Variants in CLASP2 observed in about 807,000 individuals in gnomAD.
CLASP2 encodes the protein CLIP-associating protein 2.
Under a neutral mutation model 194.4 loss-of-function variants are expected in CLASP2, and 47 were observed. The observed-to-expected ratio is 0.24, with a 90% CI of 0.19 to 0.31. The LOEUF is 0.31. Ranked by LOEUF, CLASP2 falls within the 10% of genes least tolerant of loss-of-function variation. The probability of loss-of-function intolerance (pLI) is 1.00; values close to 1 mark genes in which losing one functional copy is unlikely to be tolerated. For synonymous variants in CLASP2, 619 were observed against 633.5 expected (o/e 0.98, Z 0.34); for missense variants, 1,445 against 1,823.6 (o/e 0.79, Z 3.78).
intron 7 of CLASP2, among the ~76,000 whole-genome samples, chr3:33,663,197 CAAA>C (rs60671856): frequency 7.9e-5 from 8 of 100,752 alleles, no homozygotes; most frequent in Admixed American, 1.1e-4. Context: ...GCAGTATCAC[CAAA>C]AAAAAAAAAA....
chr3:33,554,089 G>A (rs1401094002), intron 29 of CLASP2, among the ~76,000 whole-genome samples: 2 of 152,020 alleles, frequency 1.3e-5, no homozygotes, highest in Non-Finnish European at 2.9e-5. Context: ...TTAGCCGGGC[G>A]TGGTGGTGGG....
chr3:33,696,236 A>G (rs1186229810), intron 2 of CLASP2, among the ~76,000 whole-genome samples: 2 of 151,864 alleles, frequency 1.3e-5, no homozygotes, highest in African/African-American at 4.8e-5. Context: ...CATGCTGGCA[A>G]TGAAGAAACT....
chr3:33,560,805 T>C lies in CLASP2; in HGVS notation c.2930+3A>G. On this transcript the variant is annotated splice_donor_region_variant and intron_variant, in intron 28 of 38. Transcript: ENST00000682230. ...AACTTGAAATATATGAAAAAAATAT[T>C]ACCTTGTAACATCAAGGGCTTTCTG... 1 of 1,611,132 alleles carries C rather than the reference T, an allele frequency of 6.2e-7. No individual in the cohort carries two copies.
At chr3:33,647,516 CCA>C (rs2082470376) in intron 7 of CLASP2, among the ~76,000 whole-genome samples, 1 of 152,166 alleles carries the variant, frequency 6.6e-6, no homozygotes, top group South Asian at 2.1e-4. Context: ...CTATAAAGGA[CCA>C]CACAGCAAAT....
At chr3:33,518,236 T>C (rs1206842929) in intron 34 of CLASP2, among the ~76,000 whole-genome samples, 1 of 152,224 alleles carries the variant, frequency 6.6e-6, no homozygotes, top group Non-Finnish European at 1.5e-5. Context: ...TTTAAAAGCA[T>C]AATTACAAAC....
intron 34 of CLASP2, among the ~76,000 whole-genome samples, chr3:33,517,927 C>A (rs948534169): frequency 6.6e-5 from 10 of 152,166 alleles, no homozygotes; most frequent in Admixed American, 5.9e-4. Flanking sequence ...GGATTATAGG[C>A]ATGAGCCACC....
chr3:33,580,359 C>G (rs1488285185), intron 23 of CLASP2, among the ~76,000 whole-genome samples: 5 of 151,844 alleles, frequency 3.3e-5, no homozygotes, highest in Non-Finnish European at 7.4e-5. Flanking sequence ...GTCAGGAGTT[C>G]GAGACCAGCT....
chr3:33,587,414 G>A (rs574023487), intron 21 of CLASP2, among the ~76,000 whole-genome samples: 3 of 152,220 alleles, frequency 2.0e-5, no homozygotes, highest in South Asian at 4.2e-4. Context: ...GTGAGCCACC[G>A]CACCCGGCCG....
intron 7 of CLASP2, 68 bp downstream of exon 7, chr3:33,663,377 A>G: frequency 8.5e-7 from 1 of 1,173,896 alleles, no homozygotes; most frequent in Non-Finnish European, 1.2e-6. Flanking sequence ...AGTGATATAT[A>G]ATACATTTTA....
intron 38 of CLASP2, among the ~76,000 whole-genome samples, chr3:33,500,634 AGT>A (rs2046630526): frequency 6.6e-6 from 1 of 152,122 alleles, no homozygotes. Flanking sequence ...ATTTTACCTA[AGT>A]CTCGAGGTGG....
At chr3:33,632,924 T>C (rs1429294904) in intron 8 of CLASP2, among the ~76,000 whole-genome samples, 2 of 152,198 alleles carry the variant, frequency 1.3e-5, no homozygotes, top group Non-Finnish European at 2.9e-5. Flanking sequence ...CTCTTCTATA[T>C]ATACACTGCT....
intron 36 of CLASP2, chr3:33,514,627 GAACTAAAAGT>G: frequency 3.4e-6 from 1 of 291,618 alleles, no homozygotes; most frequent in South Asian, 3.3e-5. Flanking sequence ...AGTCCTTACA[GAACTAAAAGT>G]AGAACTCCAT....
At chr3:33,503,784 A>G (rs1228157399) in intron 37 of CLASP2, 2 of 152,114 alleles carry the variant, frequency 1.3e-5, no homozygotes, top group East Asian at 3.9e-4. Context: ...CTGTACCACC[A>G]ATTTGTATTT....
At chr3:33,528,271 G>A (rs1479352598) in intron 34 of CLASP2, among the ~76,000 whole-genome samples, 1 of 152,128 alleles carries the variant, frequency 6.6e-6, no homozygotes, top group Non-Finnish European at 1.5e-5. Flanking sequence ...CAATAAGCTA[G>A]GTATTGAAGG....
At chr3:33,551,821 T>C (rs2060047355) in intron 29 of CLASP2, among the ~76,000 whole-genome samples, 1 of 152,212 alleles carries the variant, frequency 6.6e-6, no homozygotes, top group Non-Finnish European at 1.5e-5. Flanking sequence ...GACTCTTGGC[T>C]AGCCTCACAG....
intron 12 of CLASP2, among the ~76,000 whole-genome samples, chr3:33,614,297 A>C (rs1194005209): frequency 6.6e-6 from 1 of 152,236 alleles, no homozygotes; most frequent in Admixed American, 6.5e-5. Flanking sequence ...CCTTACATAC[A>C]GCTGTTAAGA....
At chr3:33,591,059 C>G (rs1290935618) in intron 21 of CLASP2, among the ~76,000 whole-genome samples, 1 of 151,934 alleles carries the variant, frequency 6.6e-6, no homozygotes, top group Non-Finnish European at 1.5e-5. Flanking sequence ...ACCTCTAGTC[C>G]CAGCTGCTTG....
chr3:33,609,865 T>C (rs1445465838), intron 13 of CLASP2, among the ~76,000 whole-genome samples: 1 of 152,198 alleles, frequency 6.6e-6, no homozygotes, highest in Non-Finnish European at 1.5e-5. Context: ...TCTACTCTTT[T>C]AGCTCATATA....
intron 26 of CLASP2, among the ~76,000 whole-genome samples, chr3:33,567,540 T>G (rs2062964204): frequency 6.6e-6 from 1 of 152,186 alleles, no homozygotes; most frequent in Non-Finnish European, 1.5e-5. Context: ...TGATACTGCT[T>G]GCATTTGAGG....
Sources: allele counts gnomAD v4.1 joint callset (sites outside exome capture counted in the v4.1 genomes callset), GRCh38; gene constraint gnomAD v4.1.1; transcripts MANE v1.5; gene names NCBI Gene and HGNC (gene_info 2026-07-23, HGNC 2026-07-21).